MALRD1: variants seen among roughly 807,000 people sequenced by gnomAD.
MALRD1 encodes MAM and LDL receptor class A domain containing 1, also known as MAM and LDL-receptor class A domain-containing protein 1.
MALRD1 carries 247 observed loss-of-function variants against 242.1 expected under a neutral mutation model. The ratio of observed to expected loss-of-function variants is 1.02; its 90% confidence interval spans 0.92 to 1.13. The LOEUF (loss-of-function observed/expected upper bound fraction) is 1.13, where lower values mean the gene tolerates loss of function less well. Among genes scored for constraint, MALRD1 ranks in the 50% most tolerant of loss-of-function variants. The pLI is 0.00. For synonymous variants in MALRD1, 995 were observed against 866.6 expected, an observed-to-expected ratio of 1.15 and a Z score of -2.60; for missense variants, 2,989 against 2,533.1, an observed-to-expected ratio of 1.18 and a Z score of -3.86.
intron 23 of MALRD1, among the ~76,000 whole-genome samples, chr10:19,330,926 T>C (rs1358437405): frequency 2.0e-5 from 3 of 152,064 alleles, no homozygotes; most frequent in Admixed American, 2.0e-4. Flanking sequence ...AATGAAGAGA[T>C]CTGATGAATG....
chr10:19,198,586 A>G (rs1201461189), intron 14 of MALRD1, among the ~76,000 whole-genome samples: 1 of 152,166 alleles, frequency 6.6e-6, no homozygotes, highest in Non-Finnish European at 1.5e-5. Context: ...ATAGCCTGGA[A>G]CAAAGGGGCA....
chr10:19,052,370 A>G (rs1445815148), intron 1 of MALRD1, among the ~76,000 whole-genome samples: 2 of 152,102 alleles, frequency 1.3e-5, no homozygotes, highest in Non-Finnish European at 2.9e-5. Flanking sequence ...TTTTTTGTCC[A>G]TTTGAAATAT....
At chr10:19,523,226 A>G (rs1380521187) in intron 31 of MALRD1, among the ~76,000 whole-genome samples, 7 of 152,212 alleles carry the variant, frequency 4.6e-5, no homozygotes. Context: ...ATCAAAGTCT[A>G]CAGCTCCAGT....
chr10:19,420,442 A>T (rs1320201528), intron 28 of MALRD1, among the ~76,000 whole-genome samples: 4 of 151,564 alleles, frequency 2.6e-5, no homozygotes, highest in Non-Finnish European at 4.4e-5. Flanking sequence ...AACAAAAGTT[A>T]TCTTCATAAG....
chr10:19,244,686 C>T (rs150879263), intron 18 of MALRD1, among the ~76,000 whole-genome samples: 1 of 152,254 alleles, frequency 6.6e-6, no homozygotes, highest in African/African-American at 2.4e-5. Context: ...TCTATGAAGC[C>T]AGCATACACA....
chr10:19,072,450 T>A (rs1244853479), intron 2 of MALRD1, among the ~76,000 whole-genome samples: 1 of 152,200 alleles, frequency 6.6e-6, no homozygotes, highest in Non-Finnish European at 1.5e-5. Flanking sequence ...TTTTTGAATT[T>A]TTTAATGATT....
chr10:19,312,462 A>G (rs1193733554), intron 21 of MALRD1, among the ~76,000 whole-genome samples: 2 of 150,268 alleles, frequency 1.3e-5, no homozygotes, highest in South Asian at 2.1e-4. Context: ...ATGTATATGT[A>G]TAATGGCACA....
At chr10:19,157,948 G>A (rs2131475879) in intron 12 of MALRD1, among the ~76,000 whole-genome samples, 1 of 152,264 alleles carries the variant, frequency 6.6e-6, no homozygotes, top group East Asian at 1.9e-4. Context: ...GCATCAGCAT[G>A]GACAATTGTT....
chr10:19,191,720 G>A lies in MALRD1; in HGVS notation c.1952-12008G>A, dbSNP rs115862415. Among the ~76,000 whole-genome samples, 549 of 152,202 alleles carry A rather than the reference G, an allele frequency of 3.6e-3. 3 individuals carry two copies. Among genetic ancestry groups the A allele is most frequent in the African/African-American group, 0.012 (497 of 41,530 alleles). The stretch of plus-strand genomic sequence containing the variant: ...GTGAATAAAACTTGAGGACATGGCC[G>A]GGTGCGGTTACTCACACCTGTAATC... On this transcript the variant is annotated intron_variant, in intron 14 of 39. Transcript: ENST00000454679.
intron 36 of MALRD1, among the ~76,000 whole-genome samples, chr10:19,632,738 G>A (rs1013033354): frequency 6.6e-6 from 1 of 152,086 alleles, no homozygotes; most frequent in South Asian, 2.1e-4. Flanking sequence ...AACAAAAAGA[G>A]CTCAACCAGA....
Position 19,560,575 on chromosome 10 carries a change from A to G in MALRD1, c.5479-6927A>G, listed in dbSNP as rs562573263. ...TTGGAACCAACCCAAATGCCCATCAATGATAGACTAGATAAAGAAAATGTG... is the reference window on the plus strand; with the variant it reads ...TTGGAACCAACCCAAATGCCCATCAGTGATAGACTAGATAAAGAAAATGTG... On this transcript the variant is annotated intron_variant, in intron 32 of 39. Transcript: ENST00000454679. Among the ~76,000 whole-genome samples, 14 of 152,358 alleles carry G rather than the reference A, an allele frequency of 9.2e-5. No individual in the cohort carries two copies. The South Asian group carries it at 1.7e-3, about 18-fold the overall frequency.
chr10:19,650,882 GA>G (rs1052008905), intron 36 of MALRD1, among the ~76,000 whole-genome samples: 1 of 152,160 alleles, frequency 6.6e-6, no homozygotes, highest in Non-Finnish European at 1.5e-5. Context: ...CTAAGAGTGA[GA>G]ACAGGTGTCC....
intron 7 of MALRD1, 31 bp from the exon 8 acceptor site, chr10:19,128,190 T>C (rs1837341570): frequency 4.1e-6 from 5 of 1,228,272 alleles, no homozygotes; most frequent in Admixed American, 8.4e-5. Flanking sequence ...AATGTTTTCC[T>C]AAATTGCTTC....
At chr10:19,461,670 C>A (rs1347550688) in intron 29 of MALRD1, among the ~76,000 whole-genome samples, 1 of 101,760 alleles carries the variant, frequency 9.8e-6, no homozygotes, top group African/African-American at 3.5e-5. Flanking sequence ...ATAGTGAGAC[C>A]CCATCTCTAC....
chr10:19,257,854 A>G, intron 19 of MALRD1, 83 bp downstream of exon 19: 4 of 995,182 alleles, frequency 4.0e-6, no homozygotes, highest in Non-Finnish European at 5.7e-6. Flanking sequence ...TTTCATTTCT[A>G]CAAAATTTCC....
intron 36 of MALRD1, among the ~76,000 whole-genome samples, chr10:19,620,292 T>TAGTA (rs1239610610): frequency 1.3e-5 from 2 of 151,890 alleles, no homozygotes; most frequent in Admixed American, 1.3e-4. Context: ...ACCCAATAGG[T>TAGTA]AGTAGTTTTA....
chr10:19,132,027 A>G (rs890381685), intron 8 of MALRD1, among the ~76,000 whole-genome samples: 15 of 152,222 alleles, frequency 9.9e-5, no homozygotes, highest in Non-Finnish European at 1.9e-4. Flanking sequence ...AAAAATCTAG[A>G]TCTCATTCAC....
intron 28 of MALRD1, among the ~76,000 whole-genome samples, chr10:19,438,295 T>C (rs1834439880): frequency 6.6e-6 from 1 of 152,132 alleles, no homozygotes; most frequent in South Asian, 2.1e-4. Context: ...GTCCTCAAAG[T>C]ACACACATGT....
intron 29 of MALRD1, among the ~76,000 whole-genome samples, chr10:19,467,420 A>G (rs1259735708): frequency 7.3e-6 from 1 of 136,752 alleles, no homozygotes; most frequent in Non-Finnish European, 1.6e-5. Flanking sequence ...AAAGAAAAAG[A>G]CCTTTCTTAC....
Sources: gnomAD v4.1 joint callset for allele counts (sites outside exome capture counted in the v4.1 genomes callset) on GRCh38, gnomAD v4.1.1 for gene constraint, MANE v1.5 for transcripts, NCBI Gene and HGNC (gene_info 2026-07-23, HGNC 2026-07-21) for gene names.